The following RIMKLA variants were observed in gnomAD, a reference collection of about 807,000 sequenced individuals.
RIMKLA encodes ribosomal modification protein rimK like family member A.
In RIMKLA, 14 loss-of-function variants were observed where a neutral mutation model predicts 32.7. That is an observed-to-expected ratio of 0.43 (90% CI 0.28 to 0.67). RIMKLA has a LOEUF of 0.67. Among genes scored for constraint, RIMKLA ranks in the 30% least tolerant of loss-of-function variants. RIMKLA has a pLI of 0.18. For synonymous variants in RIMKLA, 176 were observed against 204.1 expected (o/e 0.86, Z 1.18); for missense variants, 410 against 519.0 (o/e 0.79, Z 2.04).
intron 2 of RIMKLA, among the ~76,000 whole-genome samples, chr1:42,402,098 C>G (rs76935391): frequency 6.6e-6 from 1 of 152,258 alleles, no homozygotes; most frequent in Admixed American, 6.5e-5. Flanking sequence ...ATTACGTTCA[C>G]GGCCTCATTT....
intron 1 of RIMKLA, among the ~76,000 whole-genome samples, chr1:42,383,669 G>T (rs1287340713): frequency 6.6e-6 from 1 of 152,196 alleles, no homozygotes; most frequent in Non-Finnish European, 1.5e-5. Context: ...GAGAACTACA[G>T]AATGTAAGAG....
rs1643266060 is a variant in RIMKLA at position 42,418,068 on chromosome 1, G to A, written c.*3094G>A. 1 of 152,172 alleles carries A rather than the reference G, an allele frequency of 6.6e-6. No homozygotes were observed. The highest frequency in any genetic ancestry group is 2.4e-5 in the African/African-American group (1 of 41,442). The allele number at this position is 152,172 out of a possible 1,614,324, so 9.4% of individuals were successfully genotyped here. A position where few individuals can be genotyped will look rare whatever the true frequency, so the allele number is the denominator to read the frequency against. The stretch of plus-strand genomic sequence containing the variant: ...GAAACTTAAGACCTGAAAGGAATAA[G>A]GCTCTTTGTGTATTCAGACAGCCTT... On this transcript the variant is annotated 3_prime_UTR_variant, in exon 5 of 5. Transcript: ENST00000431473.
chr1:42,398,967 TA>T (rs543668676), intron 1 of RIMKLA, among the ~76,000 whole-genome samples: 6,344 of 98,306 alleles, frequency 0.065, 571 homozygotes, highest in African/African-American at 0.24. Flanking sequence ...ACCCTGTCTT[TA>T]AAAAAAAAAA....
chr1:42,392,629 A>G (rs1195487543), intron 1 of RIMKLA, among the ~76,000 whole-genome samples: 1 of 152,156 alleles, frequency 6.6e-6, no homozygotes, highest in Non-Finnish European at 1.5e-5. Context: ...AATTAACACC[A>G]TGCCCCTGGA....
intron 1 of RIMKLA, among the ~76,000 whole-genome samples, chr1:42,394,300 G>T (rs1187341482): frequency 6.6e-6 from 1 of 152,200 alleles, no homozygotes; most frequent in Non-Finnish European, 1.5e-5. Context: ...CATCCGTTTG[G>T]TGTTGAAGCT....
intron 4 of RIMKLA, chr1:42,412,621 T>C (rs1643209573): frequency 1.2e-5 from 6 of 511,782 alleles, no homozygotes; most frequent in Non-Finnish European, 2.3e-5. Context: ...ACAACAATTT[T>C]CCCAGCTCTG....
chr1:42,414,009 G>T (rs1217865785), intron 4 of RIMKLA, among the ~76,000 whole-genome samples: 1 of 151,626 alleles, frequency 6.6e-6, no homozygotes, highest in Non-Finnish European at 1.5e-5. Context: ...TCTCACGTCA[G>T]CCTCCCAAAG....
intron 1 of RIMKLA, among the ~76,000 whole-genome samples, chr1:42,386,593 T>TA (rs34696826): frequency 0.61 from 92,201 of 150,706 alleles, 28,561 homozygotes; most frequent in African/African-American, 0.66. Flanking sequence ...AATAAAAAAT[T>TA]GGGGGGGTGC....
rs1449317812 is a variant in RIMKLA, at chr1:42,385,874, CT to C, written c.163+4780del. Among the ~76,000 whole-genome samples the C allele has an allele frequency of 1.0e-4, 9 of 87,392 alleles. 2 individuals are homozygous for C. In the South Asian group the frequency reaches 3.4e-3, roughly 33 times the overall value. 57.3% of individuals were successfully genotyped at this position (87,392 alleles called of 152,430 possible). ...TCTTTCTTTCTTTCTTTCTTTCTTTCTTTCTTTCTTTCTTTCTTTCTTTCCT... is the reference window on the plus strand; with the variant it reads ...TCTTTCTTTCTTTCTTTCTTTCTTTCTTCTTTCTTTCTTTCTTTCTTTCCT... On this transcript the variant is annotated intron_variant, in intron 1 of 4. Transcript: ENST00000431473.
chr1:42,410,648 G>A (rs1643189584), intron 4 of RIMKLA, among the ~76,000 whole-genome samples: 1 of 152,114 alleles, frequency 6.6e-6, no homozygotes, highest in South Asian at 2.1e-4. Flanking sequence ...TTTGTATGAT[G>A]TTATTAGAAA....
At chr1:42,402,462 C>T (rs897290993) in intron 2 of RIMKLA, among the ~76,000 whole-genome samples, 5 of 152,132 alleles carry the variant, frequency 3.3e-5, no homozygotes, top group Non-Finnish European at 5.9e-5. Context: ...GAGGACTCTA[C>T]CTGCTGTTGC....
intron 2 of RIMKLA, among the ~76,000 whole-genome samples, chr1:42,400,218 G>T (rs1399321632): frequency 6.9e-6 from 1 of 145,908 alleles, no homozygotes; most frequent in African/African-American, 2.6e-5. Flanking sequence ...TGTTAAGAGA[G>T]ATATAGCTAA....
At chr1:42,411,191 A>G (rs1246333247) in intron 4 of RIMKLA, among the ~76,000 whole-genome samples, 1 of 152,028 alleles carries the variant, frequency 6.6e-6, no homozygotes. Flanking sequence ...AAGTTAGCCA[A>G]GTGCAGTAGC....
chr1:42,396,231 C>A (rs1643045006), intron 1 of RIMKLA, among the ~76,000 whole-genome samples: 2 of 77,766 alleles, frequency 2.6e-5, no homozygotes, highest in African/African-American at 5.2e-5. Context: ...AGTGAAACTC[C>A]ATCTCAAAAA....
intron 1 of RIMKLA, among the ~76,000 whole-genome samples, 158 bp from the exon 2 acceptor site, chr1:42,399,246 G>T (rs555837924): frequency 6.6e-6 from 1 of 152,214 alleles, no homozygotes; most frequent in East Asian, 1.9e-4. Context: ...GGCGTATAGG[G>T]TTGCCTATAG....
rs1245054824 is a variant in RIMKLA, at chr1:42,422,213, GT to G, written c.*7240del. 1 of 152,250 alleles carries G rather than the reference GT, an allele frequency of 6.6e-6. No homozygotes were observed. The highest frequency in any genetic ancestry group is 1.5e-5 in the Non-Finnish European group (1 of 68,046). The allele number at this position is 152,250 out of a possible 1,614,324, so 9.4% of individuals were successfully genotyped here. ...AAGTGTCCTAGTGTAATGTGCACAA[GT>G]GGCATGAAGTTTAACACCTAAAAGA... On this transcript the variant is annotated 3_prime_UTR_variant, in exon 5 of 5. Transcript: ENST00000431473.
At chr1:42,390,115 G>A (rs1257580014) in intron 1 of RIMKLA, among the ~76,000 whole-genome samples, 5 of 142,432 alleles carry the variant, frequency 3.5e-5, no homozygotes, top group Non-Finnish European at 7.5e-5. Flanking sequence ...TCAGCTCGCC[G>A]CAACCTCTGC....
chr1:42,412,725 C>G (rs574148702), intron 4 of RIMKLA: 30 of 393,716 alleles, frequency 7.6e-5, no homozygotes, highest in Admixed American at 5.7e-4. Flanking sequence ...TAATAAGAAC[C>G]TGGCGTTTGC....
chr1:42,389,536 A>G (rs10047128), intron 1 of RIMKLA, among the ~76,000 whole-genome samples: 83,055 of 151,688 alleles, frequency 0.55, 23,315 homozygotes, highest in Middle Eastern at 0.63. Context: ...GCTAGGCCAG[A>G]CACAGTGACT....
Sources: gnomAD v4.1 joint callset for allele counts (sites outside exome capture counted in the v4.1 genomes callset) on GRCh38, gnomAD v4.1.1 for gene constraint, MANE v1.5 for transcripts, NCBI Gene and HGNC (gene_info 2026-07-23, HGNC 2026-07-21) for gene names.